Variants in ZBTB20 observed in about 807,000 individuals in gnomAD.
The protein encoded by ZBTB20 is zinc finger and BTB domain containing 20.
ZBTB20 carries 9 observed loss-of-function variants against 56.9 expected under a neutral mutation model. That is an observed-to-expected ratio of 0.16 (90% confidence interval 0.10 to 0.28). ZBTB20 has a LOEUF of 0.28. Ranked by LOEUF, ZBTB20 falls within the 10% of genes least tolerant of loss-of-function variation. ZBTB20 has a pLI of 1.00. For missense variants in ZBTB20, 655 were observed against 1,003.0 expected, an observed-to-expected ratio of 0.65 and a Z score of 4.69; for synonymous variants, 417 against 420.7, an observed-to-expected ratio of 0.99 and a Z score of 0.11.
At chr3:114,993,577 A>G (rs1013174897) in intron 2 of ZBTB20, among the ~76,000 whole-genome samples, 21 of 151,896 alleles carry the variant, frequency 1.4e-4, no homozygotes, top group Middle Eastern at 3.2e-3. Context: ...TCTGACCACA[A>G]TGGAATAAAA....
chr3:115,012,196 G>C (rs528046683), intron 2 of ZBTB20, among the ~76,000 whole-genome samples: 1 of 151,526 alleles, frequency 6.6e-6, no homozygotes, highest in Non-Finnish European at 1.5e-5. Flanking sequence ...ACAAAATGGC[G>C]GGAGTAAGTT....
chr3:114,477,941 C>G (rs1305776581), intron 7 of ZBTB20, among the ~76,000 whole-genome samples: 1 of 137,938 alleles, frequency 7.2e-6, no homozygotes, highest in Admixed American at 7.7e-5. Flanking sequence ...CTCTCTCTCT[C>G]TCTCTCTCCC....
intron 5 of ZBTB20, among the ~76,000 whole-genome samples, chr3:114,763,525 A>G (rs570082093): frequency 6.6e-6 from 1 of 152,332 alleles, no homozygotes; most frequent in Admixed American, 6.5e-5. Context: ...ATCCCCAAAT[A>G]TAAGAATGAA....
intron 7 of ZBTB20, among the ~76,000 whole-genome samples, chr3:114,405,214 G>A (rs1376104115): frequency 6.6e-6 from 1 of 152,080 alleles, no homozygotes; most frequent in African/African-American, 2.4e-5. Context: ...CAATAAAGGA[G>A]AAGAGATCCT....
At chr3:114,786,298 C>A (rs2070486542) in intron 5 of ZBTB20, among the ~76,000 whole-genome samples, 1 of 152,018 alleles carries the variant, frequency 6.6e-6, no homozygotes, top group Non-Finnish European at 1.5e-5. Context: ...CCCCAGACCC[C>A]CACTCCCCAA....
At chr3:114,426,909 C>T (rs2108860098) in intron 7 of ZBTB20, among the ~76,000 whole-genome samples, 1 of 152,266 alleles carries the variant, frequency 6.6e-6, no homozygotes, top group South Asian at 2.1e-4. Flanking sequence ...TGCCTTGCAA[C>T]TTTTAAGTCT....
chr3:114,800,630 T>C (rs544399537), intron 5 of ZBTB20, among the ~76,000 whole-genome samples: 1 of 151,912 alleles, frequency 6.6e-6, no homozygotes, highest in Non-Finnish European at 1.5e-5. Flanking sequence ...GATGTCATCA[T>C]GAACTTTCTT....
At chr3:115,013,230 T>G (rs80294243) in intron 2 of ZBTB20, among the ~76,000 whole-genome samples, 13 of 150,224 alleles carry the variant, frequency 8.7e-5, no homozygotes, top group African/African-American at 3.2e-4. Flanking sequence ...GATAAATGAG[T>G]AGAAAATGAA....
At chr3:115,065,355 A>G (rs754840678) in intron 2 of ZBTB20, among the ~76,000 whole-genome samples, 4 of 152,152 alleles carry the variant, frequency 2.6e-5, no homozygotes, top group Non-Finnish European at 1.5e-5. Context: ...TCTAATTCTT[A>G]AACAGGTTCT....
chr3:114,599,299 C>T lies in ZBTB20; in HGVS notation c.-295+94229G>A, dbSNP rs142893310. 25 of 152,172 alleles carry T rather than the reference C, an allele frequency of 1.6e-4. No individual in the cohort carries two copies. The East Asian group carries it at 4.6e-3, about 28-fold the overall frequency. The allele number at this position is 152,172 out of a possible 1,614,324, so 9.4% of individuals were successfully genotyped here. A position where few individuals can be genotyped will look rare whatever the true frequency, so the allele number is the denominator to read the frequency against. The stretch of plus-strand genomic sequence containing the variant: ...GAAATGTTCTTCTCTTCTGAATGCA[C>T]AGAGATGCTTCCCTGTAAGGAGCTC... On this transcript the variant is annotated intron_variant, in intron 6 of 11. Transcript: ENST00000675478.
chr3:114,370,966 C>T (rs1181744969), intron 10 of ZBTB20, among the ~76,000 whole-genome samples: 1 of 152,198 alleles, frequency 6.6e-6, no homozygotes, highest in Admixed American at 6.5e-5. Context: ...TGGATCCTCC[C>T]CATTCCTCCT....
intron 2 of ZBTB20, among the ~76,000 whole-genome samples, chr3:115,062,625 G>C (rs1308024911): frequency 6.6e-6 from 1 of 151,730 alleles, no homozygotes; most frequent in Non-Finnish European, 1.5e-5. Flanking sequence ...AATTCAAAAG[G>C]CACTTGATAT....
chr3:114,523,700 G>C (rs1305186557), intron 6 of ZBTB20, among the ~76,000 whole-genome samples: 2 of 152,160 alleles, frequency 1.3e-5, no homozygotes, highest in African/African-American at 4.8e-5. Context: ...GGGAGGGTAG[G>C]TGTGCTGGAC....
intron 5 of ZBTB20, among the ~76,000 whole-genome samples, chr3:114,790,635 T>A (rs557011583): frequency 6.6e-6 from 1 of 152,070 alleles, no homozygotes; most frequent in Non-Finnish European, 1.5e-5. Context: ...TATTACTAAA[T>A]TTTTACACAG....
chr3:114,413,586 A>T (rs2088208391), intron 7 of ZBTB20, among the ~76,000 whole-genome samples: 2 of 152,276 alleles, frequency 1.3e-5, no homozygotes, highest in Admixed American at 6.6e-5. Flanking sequence ...CATAAGCCTG[A>T]ACCAGAGGGG....
At position 115,032,272 on chromosome 3, in the gene ZBTB20, TATG is replaced by T. The variant is rs1459672006; in HGVS notation, c.-507+38944_-507+38946del. On this transcript the variant is annotated intron_variant, in intron 2 of 11. Coordinates refer to ENST00000675478, the MANE Select transcript of ZBTB20 (RefSeq NM_001348800.3). ...TAAATTATATTGTGTTAGGGAGTGATATGATTATATATAATGAAGTAACCACTT... is the reference window on the plus strand; with the variant it reads ...TAAATTATATTGTGTTAGGGAGTGATATTATATATAATGAAGTAACCACTT... Among the ~76,000 whole-genome samples the T allele has an allele frequency of 3.3e-5, 5 of 151,512 alleles. No individual in the cohort carries two copies. In the East Asian group the frequency reaches 9.7e-4, roughly 29 times the overall value.
intron 4 of ZBTB20, among the ~76,000 whole-genome samples, chr3:114,841,779 A>G (rs1234689736): frequency 6.6e-6 from 1 of 152,180 alleles, no homozygotes; most frequent in Non-Finnish European, 1.5e-5. Flanking sequence ...TCTAGAAGGC[A>G]GTGCTCAGAG....
At chr3:114,748,343 T>TTTCTC (rs2067266196) in intron 5 of ZBTB20, among the ~76,000 whole-genome samples, 3 of 96,828 alleles carry the variant, frequency 3.1e-5, no homozygotes, top group Admixed American at 1.1e-4. Context: ...TCTTCTTTCT[T>TTTCTC]TCTTTCTTTT....
rs2079077895 is a variant in ZBTB20, at chr3:114,326,750, GA to G, written c.*12254del. On this transcript the variant is annotated 3_prime_UTR_variant, in exon 12 of 12. Transcript: ENST00000675478. Reference sequence around the variant, plus strand: ...ATAGCAAACAACTGTTTGAATGTGTGAAAGTATTATCCCTTTGCTCTACCAT... The same window carrying G: ...ATAGCAAACAACTGTTTGAATGTGTGAAGTATTATCCCTTTGCTCTACCAT... 6.6e-6 allele frequency: 1 copy of G among 152,166 alleles called. No homozygotes were observed. The highest frequency in any genetic ancestry group is 2.1e-4 in the South Asian group (1 of 4,828). The allele number at this position is 152,166 out of a possible 1,614,324, so 9.4% of individuals were successfully genotyped here.
Sources: allele counts gnomAD v4.1 joint callset (sites outside exome capture counted in the v4.1 genomes callset), GRCh38; gene constraint gnomAD v4.1.1; transcripts MANE v1.5; gene names NCBI Gene and HGNC (gene_info 2026-07-23, HGNC 2026-07-21).